Variants in DHX29 observed in about 807,000 individuals in gnomAD.
DHX29 encodes the protein DExH-box helicase 29.
Under a neutral mutation model 167.9 loss-of-function variants are expected in DHX29, and 79 were observed. The ratio of observed to expected loss-of-function variants is 0.47; its 90% confidence interval spans 0.39 to 0.57. DHX29 has a LOEUF of 0.57. Among genes scored for constraint, DHX29 ranks in the 20% least tolerant of loss-of-function variants. The probability of loss-of-function intolerance (pLI) is 0.00; values close to 1 mark genes in which losing one functional copy is unlikely to be tolerated. For missense variants in DHX29, 1,347 were observed against 1,593.4 expected (o/e 0.85, Z 2.63); for synonymous variants, 530 against 546.0 (o/e 0.97, Z 0.41).
chr5:55,265,094 GA>G (rs11336502), intron 23 of DHX29, among the ~76,000 whole-genome samples: 116,800 of 136,484 alleles, frequency 0.86, 49,610 homozygotes, highest in South Asian at 0.91. Flanking sequence ...AAAGAAAAAA[GA>G]AAAAAAAAAA....
chr5:55,304,512 C>A (rs973037084), intron 1 of DHX29, among the ~76,000 whole-genome samples: 10 of 151,706 alleles, frequency 6.6e-5, no homozygotes, highest in Non-Finnish European at 8.8e-5. Flanking sequence ...CGGGGTTTCA[C>A]CGTGGTCTCA....
In DHX29 at chr5:55,274,871, T is replaced by C. The variant is rs775938058; in HGVS notation, c.2567A>G (p.Tyr856Cys). The C allele has an allele frequency of 6.2e-7, 1 of 1,612,926 alleles. No individual in the cohort carries two copies. The highest frequency in any genetic ancestry group is 1.7e-5 in the Admixed American group (1 of 59,734). ...NLDLILELLA[Y>C]LDKSPQFRNI... is the part of the protein sequence containing the mutation. The stretch of plus-strand genomic sequence containing the variant: ...CATTAGAAATAGAAATATACCTAAG[T>C]ATGCAAGAAGTTCCAAAATGAGATC... The change falls in exon 15 of 27, where the codon TAC (tyrosine) becomes TGC (cysteine). Residue 856 changes from tyrosine to cysteine, a missense_variant. Coordinates refer to ENST00000251636, the MANE Select transcript of DHX29 (RefSeq NM_019030.4).
In DHX29 at chr5:55,294,014, C is replaced by T. The variant is rs377185325; in HGVS notation, c.780+3G>A. 3 of 1,603,876 alleles carry T rather than the reference C, an allele frequency of 1.9e-6. No homozygotes were observed. The highest frequency in any genetic ancestry group is 2.7e-5 in the African/African-American group (2 of 74,320). ...TAGAAGCCTAACACAAATTTCTACT[C>T]ACAGGGTCAAATTTTTCCTCCTCTT... On this transcript the variant is annotated splice_donor_region_variant and intron_variant, in intron 6 of 26. Transcript: ENST00000251636.
At chr5:55,259,274 TAA>T (rs1746195878) in intron 26 of DHX29, among the ~76,000 whole-genome samples, 1 of 152,210 alleles carries the variant, frequency 6.6e-6, no homozygotes, top group Non-Finnish European at 1.5e-5. Flanking sequence ...AAATGAAGTT[TAA>T]AAGAGACAGG....
At chr5:55,259,817 T>C in intron 26 of DHX29, 31 bp downstream of exon 26, 1 of 1,282,358 alleles carries the variant, frequency 7.8e-7, no homozygotes, top group South Asian at 1.2e-5. Flanking sequence ...CATATGTGTA[T>C]ATGGTCTTTC....
chr5:55,270,283 G>A, intron 20 of DHX29, 129 bp downstream of exon 20: 1 of 998,936 alleles, frequency 1.0e-6, no homozygotes, highest in Non-Finnish European at 1.4e-6. Context: ...AGATGGATAA[G>A]GGCATATATT....
chr5:55,268,293 G>A (rs1746681851), intron 21 of DHX29, among the ~76,000 whole-genome samples: 1 of 152,064 alleles, frequency 6.6e-6, no homozygotes, highest in Admixed American at 6.6e-5. Context: ...TGTTGTTGTA[G>A]GTTTTCAGAT....
At chr5:55,262,984 T>A in intron 23 of DHX29, 52 bp from the exon 24 acceptor site, 1 of 1,362,654 alleles carries the variant, frequency 7.3e-7, no homozygotes, top group Non-Finnish European at 1.0e-6. Flanking sequence ...TAGAGGAATT[T>A]CCAAATAACA....
At chr5:55,272,003 A>G in intron 18 of DHX29, 84 bp downstream of exon 18, 1 of 772,490 alleles carries the variant, frequency 1.3e-6, no homozygotes, top group East Asian at 2.9e-5. Flanking sequence ...TTCCCTAAAT[A>G]ATTTTAGGAT....
intron 6 of DHX29, 97 bp from the exon 7 acceptor site, chr5:55,290,441 T>C: frequency 7.3e-7 from 1 of 1,368,616 alleles, no homozygotes; most frequent in South Asian, 1.6e-5. Context: ...GTGATATTTT[T>C]ACCTTATCCT....
At chr5:55,276,960 G>A (rs571033072) in intron 13 of DHX29, 146 bp downstream of exon 13, 71 of 544,264 alleles carry the variant, frequency 1.3e-4, no homozygotes, top group African/African-American at 1.2e-3. Context: ...ACAGTCATCT[G>A]ATTCTTAAGG....
At chr5:55,279,905 G>A (rs547168729) in intron 12 of DHX29, among the ~76,000 whole-genome samples, 10 of 151,788 alleles carry the variant, frequency 6.6e-5, no homozygotes, top group Admixed American at 3.9e-4. Context: ...AATAAGGATA[G>A]AACATAAAAT....
chr5:55,273,505 CAA>C, intron 16 of DHX29, 128 bp from the exon 17 acceptor site: 1 of 1,168,856 alleles, frequency 8.6e-7, no homozygotes, highest in South Asian at 2.9e-5. Context: ...TAAACATACA[CAA>C]GTGTTTACAG....
intron 12 of DHX29, among the ~76,000 whole-genome samples, chr5:55,281,002 C>A (rs925727610): frequency 2.0e-5 from 3 of 151,724 alleles, no homozygotes; most frequent in African/African-American, 7.3e-5. Context: ...TTTCTACAGC[C>A]TGATGATTTT....
chr5:55,277,514 T>C (rs775788812), intron 12 of DHX29, among the ~76,000 whole-genome samples: 7 of 150,234 alleles, frequency 4.7e-5, no homozygotes, highest in Non-Finnish European at 1.0e-4. Flanking sequence ...TGAACTAGAT[T>C]AGCCATGACA....
Position 55,307,461 on chromosome 5 carries a change from C to T in DHX29, c.113G>A (p.Ser38Asn). The change falls in exon 1 of 27, where the codon AGC becomes AAC. Residue 38 changes from serine (S) to asparagine (N), a missense_variant. Physicochemically the swap from Ser to Asn is conservative, Grantham distance 46. Around this residue, in one of 3 missense-constraint regions of DHX29, gnomAD observed 405 missense variants for 416.8 expected, o/e 0.97. Coordinates refer to ENST00000251636, the MANE Select transcript of DHX29 (RefSeq NM_019030.4). ...AEAGIAGEAQ[S>N]KKPVSRPATA... is the part of the protein sequence containing the mutation. ...GGCCGGCCTGGACACTGGCTTCTTG[C>T]TTTGGGCCTCCCCGGCAATTCCAGC... 6.2e-7 allele frequency: 1 copy of T among 1,613,528 alleles called. No homozygotes were observed. Among genetic ancestry groups the T allele is most frequent in the Middle Eastern group, 1.7e-4 (1 of 6,060 alleles).
intron 13 of DHX29, among the ~76,000 whole-genome samples, chr5:55,276,868 T>C (rs1009326711): frequency 6.6e-6 from 1 of 151,944 alleles, no homozygotes; most frequent in African/African-American, 2.4e-5. Flanking sequence ...CACGTGAAAA[T>C]AGGTTTATGT....
chr5:55,262,093 A>C (rs1314107016), intron 24 of DHX29, among the ~76,000 whole-genome samples: 1 of 152,224 alleles, frequency 6.6e-6, no homozygotes, highest in Non-Finnish European at 1.5e-5. Context: ...AAATATAAAG[A>C]GAAAATGCCA....
chr5:55,292,311 T>C (rs6870192), intron 6 of DHX29, among the ~76,000 whole-genome samples: 1,644 of 152,298 alleles, frequency 0.011, 21 homozygotes, highest in African/African-American at 0.035. Flanking sequence ...TACTGGTGAT[T>C]TGTGTATCTT....
Sources: gnomAD v4.1 joint callset for allele counts (sites outside exome capture counted in the v4.1 genomes callset) on GRCh38, gnomAD v4.1.1 for gene constraint, gnomAD v4.1.1 regional missense constraint, MANE v1.5 for transcripts, NCBI Gene and HGNC (gene_info 2026-07-23, HGNC 2026-07-21) for gene names.